MARCHF1: variants seen among roughly 807,000 people sequenced by gnomAD.
MARCHF1 encodes membrane associated ring-CH-type finger 1, also known as E3 ubiquitin-protein ligase MARCHF1.
Under a neutral mutation model 54.2 loss-of-function variants are expected in MARCHF1, and 40 were observed. The ratio of observed to expected loss-of-function variants is 0.74; its 90% confidence interval spans 0.57 to 0.96. MARCHF1 has a LOEUF of 0.96. Ranked by LOEUF, MARCHF1 falls within the 40% of genes least tolerant of loss-of-function variation. MARCHF1 has a pLI of 0.00. For missense variants in MARCHF1, 586 were observed against 656.5 expected (o/e 0.89, Z 1.17); for synonymous variants, 236 against 236.3 (o/e 1.00, Z 0.01).
intron 1 of MARCHF1, among the ~76,000 whole-genome samples, chr4:164,115,673 A>G (rs1004036666): frequency 7.4e-5 from 11 of 149,364 alleles, no homozygotes; most frequent in African/African-American, 2.7e-4. Context: ...TATTTTGGAT[A>G]CAGCTTATGG....
intron 1 of MARCHF1, among the ~76,000 whole-genome samples, chr4:164,192,928 T>A (rs905842671): frequency 6.6e-6 from 1 of 152,112 alleles, no homozygotes; most frequent in African/African-American, 2.4e-5. Flanking sequence ...TTTCTGAAAA[T>A]GGTTAGAGGG....
At chr4:163,657,456 A>C (rs922820062) in intron 5 of MARCHF1, among the ~76,000 whole-genome samples, 7 of 152,150 alleles carry the variant, frequency 4.6e-5, no homozygotes, top group African/African-American at 7.2e-5. Context: ...GATAGGAAGA[A>C]TCAATATCAT....
intron 5 of MARCHF1, among the ~76,000 whole-genome samples, chr4:163,692,525 A>G (rs920257134): frequency 2.0e-5 from 3 of 152,144 alleles, no homozygotes; most frequent in African/African-American, 7.2e-5. Context: ...TCTGGACATG[A>G]GTTATTAAGA....
chr4:164,002,881 A>C (rs925483517), intron 2 of MARCHF1, among the ~76,000 whole-genome samples: 1 of 151,948 alleles, frequency 6.6e-6, no homozygotes, highest in Non-Finnish European at 1.5e-5. Context: ...TCTTTAGTAC[A>C]TCTGAAATAA....
intron 5 of MARCHF1, among the ~76,000 whole-genome samples, chr4:163,630,783 A>G (rs1196716921): frequency 1.3e-5 from 2 of 152,094 alleles, no homozygotes; most frequent in African/African-American, 4.8e-5. Flanking sequence ...AGAAAAAGGG[A>G]AAGAAGAGAG....
intron 5 of MARCHF1, among the ~76,000 whole-genome samples, chr4:163,616,795 T>C (rs1287715804): frequency 6.6e-6 from 1 of 151,892 alleles, no homozygotes; most frequent in Non-Finnish European, 1.5e-5. Flanking sequence ...TTGAAACTCA[T>C]ATATACTATT....
intron 5 of MARCHF1, among the ~76,000 whole-genome samples, chr4:163,678,121 T>C (rs919183198): frequency 6.6e-6 from 1 of 152,218 alleles, no homozygotes; most frequent in East Asian, 1.9e-4. Context: ...AAGCTAAAAC[T>C]GCCACAGATG....
chr4:164,107,144 A>G (rs1427861752), intron 2 of MARCHF1, among the ~76,000 whole-genome samples: 2 of 152,154 alleles, frequency 1.3e-5, no homozygotes, highest in Admixed American at 6.5e-5. Context: ...ACTCTCTCCA[A>G]CACGTTTTAT....
At chr4:164,368,056 C>A (rs956288366) in intron 1 of MARCHF1, among the ~76,000 whole-genome samples, 2 of 139,196 alleles carry the variant, frequency 1.4e-5, no homozygotes, top group South Asian at 2.3e-4. Flanking sequence ...TAAAAAAAGA[C>A]AATAAAAGAT....
chr4:164,326,975 G>GTGTGTGTA (rs979690322), intron 1 of MARCHF1, among the ~76,000 whole-genome samples: 1 of 151,118 alleles, frequency 6.6e-6, no homozygotes, highest in African/African-American at 2.4e-5. Context: ...GTGTGTGTGT[G>GTGTGTGTA]TGTGTGTGTG....
chr4:164,189,229 G>A, intron 1 of MARCHF1: 2 of 566,452 alleles, frequency 3.5e-6, no homozygotes, highest in South Asian at 2.1e-5. Flanking sequence ...CGATAGGGCT[G>A]TGCAGAAACT....
chr4:163,553,858 G>T (rs756990705), intron 8 of MARCHF1, among the ~76,000 whole-genome samples: 1 of 152,144 alleles, frequency 6.6e-6, no homozygotes, highest in African/African-American at 2.4e-5. Context: ...GAAAGGTCCC[G>T]CTGTCTCTGC....
intron 1 of MARCHF1, among the ~76,000 whole-genome samples, chr4:164,301,768 G>A (rs1734567344): frequency 6.6e-6 from 1 of 152,208 alleles, no homozygotes; most frequent in African/African-American, 2.4e-5. Context: ...TGGAATAAGA[G>A]TGTATCAAAG....
intron 2 of MARCHF1, among the ~76,000 whole-genome samples, chr4:164,098,019 G>T (rs1240224472): frequency 6.6e-6 from 1 of 152,130 alleles, no homozygotes; most frequent in Non-Finnish European, 1.5e-5. Context: ...GTGATTATGG[G>T]CACTAGCTTC....
chr4:163,737,680 A>G (rs1746087263), intron 4 of MARCHF1, among the ~76,000 whole-genome samples: 1 of 125,268 alleles, frequency 8.0e-6, no homozygotes, highest in Admixed American at 8.0e-5. Context: ...ACTGGCCATC[A>G]GAGAAATGCA....
intron 1 of MARCHF1, among the ~76,000 whole-genome samples, chr4:164,215,255 C>A (rs1731896227): frequency 6.6e-6 from 1 of 152,096 alleles, no homozygotes; most frequent in African/African-American, 2.4e-5. Context: ...CTGGAGCATT[C>A]GCCAAACCCC....
At chr4:163,793,755 CCTGTT>C (rs1158321785) in intron 4 of MARCHF1, among the ~76,000 whole-genome samples, 4 of 152,090 alleles carry the variant, frequency 2.6e-5, no homozygotes, top group African/African-American at 9.7e-5. Context: ...AAATCCGTGT[CCTGTT>C]CTGTTCTGTT....
intron 1 of MARCHF1, among the ~76,000 whole-genome samples, chr4:164,156,321 A>C (rs1730076263): frequency 6.6e-6 from 1 of 152,204 alleles, no homozygotes; most frequent in African/African-American, 2.4e-5. Context: ...CCAAACTAGT[A>C]TTTAATTAAT....
At chr4:163,866,466 T>TTATATATATATATATATATATATA (rs57733725) in intron 3 of MARCHF1, among the ~76,000 whole-genome samples, 3,260 of 123,686 alleles carry the variant, frequency 0.026, 155 homozygotes, top group East Asian at 0.073. Flanking sequence ...AAAGCTGTAG[T>TTATATATATATATATATATATATA]TATATATATA....
Sources: gnomAD v4.1 joint callset for allele counts (sites outside exome capture counted in the v4.1 genomes callset) on GRCh38, gnomAD v4.1.1 for gene constraint, MANE v1.5 for transcripts, NCBI Gene and HGNC (gene_info 2026-07-23, HGNC 2026-07-21) for gene names.